REPS2: variants seen among roughly 807,000 people sequenced by gnomAD.
REPS2 encodes ralBP1-associated Eps domain-containing protein 2.
Under a neutral mutation model 53.6 loss-of-function variants are expected in REPS2, and 23 were observed. That is an observed-to-expected ratio of 0.43 (90% CI 0.31 to 0.61). REPS2 has a LOEUF of 0.61. Ranked by LOEUF, REPS2 falls within the 20% of genes least tolerant of loss-of-function variation. REPS2 has a pLI of 0.11. For missense variants in REPS2, 446 were observed against 534.9 expected (o/e 0.83, Z 1.64); for synonymous variants, 238 against 218.6 (o/e 1.09, Z -0.78).
At chrX:17,036,849 A>AGTGTGT (rs143234384) in intron 5 of REPS2, among the ~76,000 whole-genome samples, 11 of 102,939 alleles carry the variant, frequency 1.1e-4, no homozygotes, top group South Asian at 4.5e-4. Context: ...AGAGAGTATA[A>AGTGTGT]GTGTGTGTGT....
Position 17,144,530 on chromosome X carries a change from A to C in REPS2, c.1915-2883A>C, listed in dbSNP as rs184480585. ...GTTAGCCTGGGACTCAGCTTTCTTT[A>C]CTTGATCTGTATGAGTGGAAAAGTT... is the stretch of plus-strand genomic sequence containing the variant. On this transcript the variant is annotated intron_variant, in intron 17 of 17. Transcript: ENST00000357277. 8.4e-3 allele frequency among the ~76,000 whole-genome samples: 946 copies of C among 112,270 alleles called. 5 individuals carry two copies. Among genetic ancestry groups the C allele is most frequent in the Middle Eastern group, 0.023 (5 of 217 alleles).
the REPS2 span, among the ~76,000 whole-genome samples, chrX:17,172,845 A>G: frequency 9.0e-6 from 1 of 111,510 alleles, no homozygotes; most frequent in African/African-American, 3.3e-5. Context: ...TATTTTATTT[A>G]GTATTTATTT....
rs776577122 is a variant in REPS2, at chrX:17,047,509, ACT to A, written c.907+31_907+32del. 3 of 1,199,310 alleles carry A rather than the reference ACT, an allele frequency of 2.5e-6. No homozygotes were observed. In the African/African-American group the frequency reaches 5.3e-5, roughly 21 times the overall value. ...TAAGAATGTGGGCTCCCTAGGCATC[ACT>A]CTCACCAGAACATAGCCACCATCTT... On this transcript the variant is annotated intron_variant, in intron 6 of 17. Transcript: ENST00000357277.
chrX:16,964,026 T>A (rs981193054), intron 1 of REPS2, among the ~76,000 whole-genome samples: 8 of 108,368 alleles, frequency 7.4e-5, no homozygotes. Context: ...AATTTAATTT[T>A]ATTATTATTA....
chrX:17,093,599 G>A (rs925219712), intron 13 of REPS2, among the ~76,000 whole-genome samples: 15 of 110,201 alleles, frequency 1.4e-4, no homozygotes, highest in Middle Eastern at 4.3e-3. Context: ...TATTTCCTTC[G>A]TAATTCTAAA....
chrX:17,013,201 A>G (rs916441383), intron 2 of REPS2, among the ~76,000 whole-genome samples: 2 of 112,136 alleles, frequency 1.8e-5, no homozygotes, highest in Non-Finnish European at 3.8e-5. Flanking sequence ...TCTTCCAACA[A>G]CAACAAACTT....
chrX:17,081,539 T>C (rs910334664), intron 13 of REPS2, among the ~76,000 whole-genome samples: 2 of 112,708 alleles, frequency 1.8e-5, no homozygotes, highest in African/African-American at 3.2e-5. Context: ...AATGTAAATC[T>C]ATAAAAATGA....
At chrX:16,974,623 C>T (rs748328851) in intron 1 of REPS2, among the ~76,000 whole-genome samples, 31 of 110,402 alleles carry the variant, frequency 2.8e-4, no homozygotes, top group South Asian at 3.9e-4. Context: ...CCAGCCTGGG[C>T]GACAGAGCTA....
chrX:17,170,325 C>G, the REPS2 span, among the ~76,000 whole-genome samples: 1 of 112,569 alleles, frequency 8.9e-6, no homozygotes, highest in East Asian at 2.8e-4. Flanking sequence ...GTAGAGTGTC[C>G]TTTCAAGTTA....
Position 16,946,866 on chromosome X carries a change from AG to A in REPS2, c.7del (p.Ala3ArgfsTer28), listed in dbSNP as rs1336260124. 1.3e-6 allele frequency: 1 copy of A among 747,536 alleles called. No homozygotes were observed. The highest frequency in any genetic ancestry group is 1.6e-6 in the Non-Finnish European group (1 of 642,175). The allele number at this position is 747,536 out of a possible 1,213,427, so 61.6% of individuals were successfully genotyped here. ...CCGCGCCCCCTTGCTGGCCCCATGGAGGCGGCAGCGGCGGCGGCGGCGGCGG... is the reference window on the plus strand; with the variant it reads ...CCGCGCCCCCTTGCTGGCCCCATGGAGCGGCAGCGGCGGCGGCGGCGGCGG... MEAAAAAAAAAA... is the reference protein window; with the variant it reads MXAAAAAAAAAA... On this transcript the variant is annotated frameshift_variant, in exon 1 of 18. Coordinates refer to ENST00000357277, the MANE Select transcript of REPS2 (RefSeq NM_004726.3). LOFTEE classifies it high-confidence loss of function.
chrX:16,961,074 AT>A (rs1357919502), intron 1 of REPS2, among the ~76,000 whole-genome samples: 1 of 112,096 alleles, frequency 8.9e-6, no homozygotes, highest in African/African-American at 3.2e-5. Flanking sequence ...TACCAATGGC[AT>A]TTTTCACAGA....
Position 17,152,878 on chromosome X carries a change from TAA to T in REPS2, c.*5398_*5399del, listed in dbSNP as rs1334553942. 1.8e-5 allele frequency: 2 copies of T among 112,948 alleles called. No homozygotes were observed. Among genetic ancestry groups the T allele is most frequent in the African/African-American group, 6.4e-5 (2 of 31,011 alleles). 9.3% of individuals were successfully genotyped at this position (112,948 alleles called of 1,213,427 possible). A position where few individuals can be genotyped will look rare whatever the true frequency, so the allele number is the denominator to read the frequency against. On this transcript the variant is annotated 3_prime_UTR_variant, in exon 18 of 18. Coordinates refer to ENST00000357277, the MANE Select transcript of REPS2 (RefSeq NM_004726.3). ...CATTTTAGTCTTCATAGCTATTGGCTAAGAGAGATAATGAGCTGATGGTCTAT... is the reference window on the plus strand; with the variant it reads ...CATTTTAGTCTTCATAGCTATTGGCTGAGAGATAATGAGCTGATGGTCTAT...
At chrX:17,130,059 GT>G (rs1185921088) in intron 14 of REPS2, among the ~76,000 whole-genome samples, 1 of 112,396 alleles carries the variant, frequency 8.9e-6, no homozygotes, top group African/African-American at 3.2e-5. Context: ...GGGGCCTCAG[GT>G]TCAAGTTGCA....
the REPS2 span, among the ~76,000 whole-genome samples, chrX:17,172,414 T>C: frequency 9.0e-6 from 1 of 111,718 alleles, no homozygotes; most frequent in Admixed American, 9.5e-5. Context: ...CCCCCTTCAC[T>C]CTCTTTCTCC....
chrX:17,075,243 C>T (rs902848780), intron 12 of REPS2, among the ~76,000 whole-genome samples: 2 of 111,897 alleles, frequency 1.8e-5, no homozygotes, highest in African/African-American at 6.5e-5. Flanking sequence ...GTGGGATATG[C>T]TTTCATAGTA....
chrX:17,136,669 CAT>C (rs1486244278), intron 16 of REPS2: 1 of 112,204 alleles, frequency 8.9e-6, no homozygotes, highest in Non-Finnish European at 1.9e-5. Flanking sequence ...GCATACAGTT[CAT>C]GTTTTTAAAT....
the REPS2 span, among the ~76,000 whole-genome samples, chrX:17,180,813 T>C: frequency 9.0e-6 from 1 of 111,704 alleles, no homozygotes; most frequent in East Asian, 2.8e-4. Flanking sequence ...TCCTTGACTG[T>C]GTGCCAGAAA....
intron 14 of REPS2, among the ~76,000 whole-genome samples, chrX:17,123,228 A>G (rs1296097767): frequency 3.6e-5 from 4 of 111,179 alleles, no homozygotes; most frequent in African/African-American, 9.8e-5. Flanking sequence ...GCTTTAGATC[A>G]CCTTACCTGT....
intron 13 of REPS2, among the ~76,000 whole-genome samples, chrX:17,087,729 G>T (rs961216400): frequency 4.5e-5 from 5 of 111,208 alleles, no homozygotes; most frequent in African/African-American, 1.6e-4. Flanking sequence ...GAGGTCAGGG[G>T]TTCAAAACCA....
Sources: allele counts gnomAD v4.1 joint callset (sites outside exome capture counted in the v4.1 genomes callset), GRCh38; gene constraint gnomAD v4.1.1; transcripts MANE v1.5; gene names NCBI Gene and HGNC (gene_info 2026-07-23, HGNC 2026-07-21).